Variants in LRP1B observed in about 807,000 individuals in gnomAD.
The protein encoded by LRP1B is LDL receptor related protein 1B, also known as low-density lipoprotein receptor-related protein 1B.
A neutral mutation model predicts 556.6 loss-of-function variants in LRP1B; 217 were observed. The observed-to-expected ratio is 0.39, with a 90% CI of 0.35 to 0.44. LRP1B has a LOEUF of 0.44. Among genes scored for constraint, LRP1B ranks in the 20% least tolerant of loss-of-function variants. LRP1B has a pLI of 1.00. For synonymous variants in LRP1B, 2,047 were observed against 1,865.8 expected (o/e 1.10, Z -2.50); for missense variants, 5,053 against 5,620.8 (o/e 0.90, Z 3.23).
intron 2 of LRP1B, among the ~76,000 whole-genome samples, chr2:141,645,101 T>C (rs1160057551): frequency 6.6e-6 from 1 of 152,106 alleles, no homozygotes; most frequent in African/African-American, 2.4e-5. Flanking sequence ...ACTATGGATT[T>C]ATATTAGGGT....
chr2:141,491,962 C>T (rs1446156055), intron 2 of LRP1B, among the ~76,000 whole-genome samples: 1 of 151,424 alleles, frequency 6.6e-6, no homozygotes, highest in Non-Finnish European at 1.5e-5. Context: ...ATGCTAATGT[C>T]AGCTGGTTAG....
intron 16 of LRP1B, among the ~76,000 whole-genome samples, chr2:140,991,785 A>G (rs1388978723): frequency 6.6e-6 from 1 of 152,154 alleles, no homozygotes; most frequent in Non-Finnish European, 1.5e-5. Context: ...TTCCTTAGAC[A>G]GAAAACAGTC....
intron 18 of LRP1B, among the ~76,000 whole-genome samples, chr2:140,981,339 T>C (rs1168287343): frequency 6.6e-6 from 1 of 152,124 alleles, no homozygotes; most frequent in African/African-American, 2.4e-5. Context: ...TTAAAATGTA[T>C]ACTTATTGTA....
At position 140,356,467 on chromosome 2, in the gene LRP1B, T is replaced by A; in HGVS notation, c.11405A>T (p.Glu3802Val). The A allele has an allele frequency of 6.2e-7, 1 of 1,602,166 alleles. No homozygotes were observed. Among genetic ancestry groups the A allele is most frequent in the South Asian group, 1.1e-5 (1 of 89,800 alleles). The change falls in exon 75 of 91, where the codon GAA (glutamate) becomes GTA (valine). Residue 3802 changes from glutamate to valine, a missense_variant. Coordinates refer to ENST00000389484, the MANE Select transcript of LRP1B (RefSeq NM_018557.3). The stretch of plus-strand genomic sequence containing the variant: ...ATTCACATTATCTTCACAGGTATAT[T>A]CAGTAGGAGCTGGGATTTAAAAATA... ...DEQGCRIAPTEYTCEDNVNPC... is the reference protein window; with the variant it reads ...DEQGCRIAPTVYTCEDNVNPC...
chr2:141,780,714 G>A (rs1445749828), intron 2 of LRP1B, among the ~76,000 whole-genome samples: 1 of 152,094 alleles, frequency 6.6e-6, no homozygotes, highest in Non-Finnish European at 1.5e-5. Flanking sequence ...ACCTTATAAT[G>A]CAATTGTTTT....
chr2:141,237,244 A>T (rs1055365032), intron 5 of LRP1B, among the ~76,000 whole-genome samples: 1 of 152,120 alleles, frequency 6.6e-6, no homozygotes, highest in Non-Finnish European at 1.5e-5. Flanking sequence ...AGAAACAGTA[A>T]GAGAAGAAAG....
intron 6 of LRP1B, among the ~76,000 whole-genome samples, chr2:141,200,353 G>A (rs114714160): frequency 6.6e-6 from 1 of 152,136 alleles, no homozygotes; most frequent in Non-Finnish European, 1.5e-5. Context: ...ATGGACACAT[G>A]AGGTGGAGGG....
chr2:141,770,960 A>C (rs968468597), intron 2 of LRP1B, among the ~76,000 whole-genome samples: 3 of 152,244 alleles, frequency 2.0e-5, no homozygotes, highest in African/African-American at 7.2e-5. Flanking sequence ...ACTGTTGCTT[A>C]ATTATAAACA....
intron 1 of LRP1B, among the ~76,000 whole-genome samples, chr2:142,024,181 A>C (rs1292935956): frequency 2.0e-5 from 3 of 152,206 alleles, no homozygotes; most frequent in Non-Finnish European, 4.4e-5. Context: ...GTGTACGAGG[A>C]AGTAATTAAT....
At chr2:141,675,226 C>T (rs142641505) in intron 2 of LRP1B, among the ~76,000 whole-genome samples, 2 of 151,912 alleles carry the variant, frequency 1.3e-5, no homozygotes, top group Non-Finnish European at 2.9e-5. Context: ...ATTTAAAGTA[C>T]CTTTCCTAAT....
At chr2:142,006,919 G>C (rs1702821862) in intron 1 of LRP1B, among the ~76,000 whole-genome samples, 1 of 152,116 alleles carries the variant, frequency 6.6e-6, no homozygotes, top group Non-Finnish European at 1.5e-5. Flanking sequence ...ACTTTACAAA[G>C]TGTCATTAAA....
At chr2:142,010,017 G>T (rs1702906989) in intron 1 of LRP1B, among the ~76,000 whole-genome samples, 1 of 152,022 alleles carries the variant, frequency 6.6e-6, no homozygotes, top group African/African-American at 2.4e-5. Context: ...TATAGATATA[G>T]ATATAATCAT....
At chr2:141,065,662 T>C (rs919135316) in intron 7 of LRP1B, among the ~76,000 whole-genome samples, 2 of 151,938 alleles carry the variant, frequency 1.3e-5, no homozygotes, top group African/African-American at 4.8e-5. Flanking sequence ...TTGCACTTTA[T>C]TGTTACCACC....
intron 2 of LRP1B, among the ~76,000 whole-genome samples, chr2:141,633,626 A>G (rs1427671981): frequency 5.9e-5 from 9 of 152,082 alleles, no homozygotes; most frequent in African/African-American, 2.2e-4. Context: ...CATAAAATTT[A>G]CCATTGTAAC....
chr2:140,871,681 A>G (rs762700126), intron 25 of LRP1B, among the ~76,000 whole-genome samples: 9 of 152,156 alleles, frequency 5.9e-5, no homozygotes, highest in South Asian at 4.1e-4. Context: ...TTTGACTACT[A>G]TAGGGGCTTT....
chr2:141,428,129 T>G (rs1269804191), intron 3 of LRP1B, among the ~76,000 whole-genome samples: 3 of 152,318 alleles, frequency 2.0e-5, no homozygotes, highest in African/African-American at 7.2e-5. Context: ...TTTTTATGGT[T>G]TTGTTTTCTT....
chr2:141,561,204 G>A (rs1166555001), intron 2 of LRP1B, among the ~76,000 whole-genome samples: 1 of 151,682 alleles, frequency 6.6e-6, no homozygotes, highest in African/African-American at 2.4e-5. Context: ...TATTTACTAT[G>A]ATATAGGTTT....
chr2:142,079,950 G>C (rs1705652676), intron 1 of LRP1B, among the ~76,000 whole-genome samples: 1 of 152,082 alleles, frequency 6.6e-6, no homozygotes, highest in Non-Finnish European at 1.5e-5. Flanking sequence ...CAGAATTAAG[G>C]AGTATCAGGG....
intron 1 of LRP1B, among the ~76,000 whole-genome samples, chr2:141,988,123 A>G (rs567800780): frequency 6.6e-6 from 1 of 152,038 alleles, no homozygotes; most frequent in African/African-American, 2.4e-5. Context: ...CCACTGAAAT[A>G]AAACTATTAA....
Sources: allele counts gnomAD v4.1 joint callset (sites outside exome capture counted in the v4.1 genomes callset), GRCh38; gene constraint gnomAD v4.1.1; transcripts MANE v1.5; gene names NCBI Gene and HGNC (gene_info 2026-07-23, HGNC 2026-07-21).